L2HGDH: variants seen among roughly 807,000 people sequenced by gnomAD.
L2HGDH encodes L-2-hydroxyglutarate dehydrogenase, mitochondrial.
Under a neutral mutation model 51.5 loss-of-function variants are expected in L2HGDH, and 34 were observed. The ratio of observed to expected loss-of-function variants is 0.66; its 90% CI spans 0.50 to 0.88. The LOEUF is 0.88. Among genes scored for constraint, L2HGDH ranks in the 40% least tolerant of loss-of-function variants. The pLI is 0.00. For synonymous variants in L2HGDH, 198 were observed against 197.9 expected, an observed-to-expected ratio of 1.00 and a Z score of -0.01; for missense variants, 558 against 571.9, an observed-to-expected ratio of 0.98 and a Z score of 0.25.
At chr14:50,285,632 C>G (rs79551304) in intron 4 of L2HGDH, among the ~76,000 whole-genome samples, 15 of 152,160 alleles carry the variant, frequency 9.9e-5, no homozygotes, top group Non-Finnish European at 1.9e-4. Flanking sequence ...ACAAGTATAA[C>G]AGAGGGATAA....
At chr14:50,296,142 C>A (rs2030030647) in intron 3 of L2HGDH, among the ~76,000 whole-genome samples, 1 of 151,906 alleles carries the variant, frequency 6.6e-6, no homozygotes, top group Non-Finnish European at 1.5e-5. Context: ...GAAGCTGAGG[C>A]TGGTGGATTG....
intron 9 of L2HGDH, among the ~76,000 whole-genome samples, chr14:50,258,360 T>G (rs1888800114): frequency 6.6e-6 from 1 of 151,202 alleles, no homozygotes; most frequent in South Asian, 2.1e-4. Context: ...GGACCACAGG[T>G]GGACACCACT....
chr14:50,255,450 C>T (rs1375249201), intron 9 of L2HGDH, among the ~76,000 whole-genome samples: 4 of 150,106 alleles, frequency 2.7e-5, no homozygotes, highest in African/African-American at 7.3e-5. Flanking sequence ...GCAGGAAAAT[C>T]GCTTGAATCC....
chr14:50,268,360 C>G (rs1889463916), intron 7 of L2HGDH, among the ~76,000 whole-genome samples: 1 of 123,626 alleles, frequency 8.1e-6, no homozygotes, highest in African/African-American at 3.1e-5. Flanking sequence ...GCCTGGGCAA[C>G]AGAGTGAGAA....
intron 5 of L2HGDH, among the ~76,000 whole-genome samples, chr14:50,279,583 T>C (rs2140006783): frequency 6.6e-6 from 1 of 152,132 alleles, no homozygotes; most frequent in East Asian, 1.9e-4. Context: ...CTCATGCCTG[T>C]AATCCCAGCA....
chr14:50,266,252 T>C (rs1889324405), intron 8 of L2HGDH, among the ~76,000 whole-genome samples: 1 of 152,096 alleles, frequency 6.6e-6, no homozygotes, highest in Non-Finnish European at 1.5e-5. Flanking sequence ...GGCTTTCTAA[T>C]GGAAATATTA....
At chr14:50,282,300 C>T in intron 5 of L2HGDH, 1 of 376,530 alleles carries the variant, frequency 2.7e-6, no homozygotes, top group Admixed American at 3.4e-5. Context: ...TTAAGAAACC[C>T]TTTCCTAGAC....
chr14:50,272,606 G>C (rs1273030379), intron 6 of L2HGDH, among the ~76,000 whole-genome samples: 1 of 152,120 alleles, frequency 6.6e-6, no homozygotes, highest in Non-Finnish European at 1.5e-5. Context: ...CTGAACACTT[G>C]ACCACAGGTC....
chr14:50,263,215 G>A (rs1159542380), intron 9 of L2HGDH, among the ~76,000 whole-genome samples: 1 of 152,180 alleles, frequency 6.6e-6, no homozygotes, highest in Admixed American at 6.5e-5. Context: ...AACCAGATTT[G>A]ACCAGTCTAT....
At chr14:50,273,047 T>C (rs1349696681) in intron 6 of L2HGDH, among the ~76,000 whole-genome samples, 1 of 152,098 alleles carries the variant, frequency 6.6e-6, no homozygotes, top group East Asian at 1.9e-4. Flanking sequence ...TAGCTGTTCA[T>C]CTTACTTTAG....
intron 8 of L2HGDH, 85 bp from the exon 9 acceptor site, chr14:50,265,574 TA>T: frequency 8.1e-7 from 1 of 1,230,712 alleles, no homozygotes; most frequent in East Asian, 2.6e-5. Context: ...ATTCTTTTTT[TA>T]TGTCATCACA....
intron 9 of L2HGDH, among the ~76,000 whole-genome samples, chr14:50,260,010 AGATT>A (rs930501981): frequency 2.0e-5 from 3 of 149,768 alleles, no homozygotes; most frequent in African/African-American, 7.5e-5. Flanking sequence ...AGAGAGAGAG[AGATT>A]GATTGAAGCA....
At chr14:50,261,951 G>C (rs1889048417) in intron 9 of L2HGDH, among the ~76,000 whole-genome samples, 1 of 152,120 alleles carries the variant, frequency 6.6e-6, no homozygotes. Flanking sequence ...GTGCCCTTCA[G>C]TGGTTAATGA....
At chr14:50,311,972 C>G (rs1256517483) in intron 1 of L2HGDH, 39 bp downstream of exon 1, 1 of 1,543,978 alleles carries the variant, frequency 6.5e-7, no homozygotes, top group Admixed American at 2.0e-5. Flanking sequence ...CCGCGAGGGG[C>G]AGCAGCGCAG....
chr14:50,257,371 TAA>T (rs1172138563), intron 9 of L2HGDH, among the ~76,000 whole-genome samples: 1 of 140,332 alleles, frequency 7.1e-6, no homozygotes. Context: ...GTTTTTCCTT[TAA>T]TTTTTTTTTT....
chr14:50,279,597 T>A (rs1005680961), intron 5 of L2HGDH, among the ~76,000 whole-genome samples: 1 of 151,818 alleles, frequency 6.6e-6, no homozygotes, highest in Admixed American at 6.6e-5. Flanking sequence ...CCCAGCATTT[T>A]GGGAGGCCAA....
intron 1 of L2HGDH, among the ~76,000 whole-genome samples, chr14:50,306,016 C>G (rs11851370): frequency 6.6e-6 from 1 of 151,506 alleles, no homozygotes; most frequent in South Asian, 2.1e-4. Context: ...AGATGCAGAA[C>G]CCACAAAAAC....
chr14:50,264,458 A>G (rs1030970574), intron 9 of L2HGDH, among the ~76,000 whole-genome samples: 7 of 152,156 alleles, frequency 4.6e-5, no homozygotes, highest in Admixed American at 3.9e-4. Flanking sequence ...GATTGTTACC[A>G]CACTGCTTTC....
intron 4 of L2HGDH, among the ~76,000 whole-genome samples, chr14:50,293,467 C>T (rs1489843395): frequency 3.3e-5 from 5 of 151,414 alleles, no homozygotes; most frequent in Non-Finnish European, 5.9e-5. Flanking sequence ...TTTTATTTTT[C>T]TTACCAAGTC....
Sources: gnomAD v4.1 joint callset for allele counts (sites outside exome capture counted in the v4.1 genomes callset) on GRCh38, gnomAD v4.1.1 for gene constraint, MANE v1.5 for transcripts, NCBI Gene and HGNC (gene_info 2026-07-23, HGNC 2026-07-21) for gene names.